The following HTR4 variants were observed in gnomAD, a reference collection of about 807,000 sequenced individuals.
HTR4 encodes the protein 5-hydroxytryptamine (serotonin) receptor 4, G protein-coupled.
HTR4 carries 16 observed loss-of-function variants against 36.8 expected under a neutral mutation model. The ratio of observed to expected loss-of-function variants is 0.43; its 90% CI spans 0.29 to 0.66. The LOEUF (loss-of-function observed/expected upper bound fraction) is 0.66, where lower values mean the gene tolerates loss of function less well. Ranked by LOEUF, HTR4 falls within the 30% of genes least tolerant of loss-of-function variation. The pLI is 0.13. For missense variants in HTR4, 438 were observed against 490.9 expected, an observed-to-expected ratio of 0.89 and a Z score of 1.02; for synonymous variants, 189 against 185.1, an observed-to-expected ratio of 1.02 and a Z score of -0.17.
chr5:148,516,742 A>G (rs1452690119), intron 5 of HTR4, among the ~76,000 whole-genome samples: 6 of 150,968 alleles, frequency 4.0e-5, no homozygotes, highest in African/African-American at 1.5e-4. Flanking sequence ...CTTGCTTCCT[A>G]CAGGGTCTGG....
chr5:148,520,420 A>T (rs1014944591), intron 5 of HTR4, among the ~76,000 whole-genome samples: 5 of 152,172 alleles, frequency 3.3e-5, no homozygotes, highest in Non-Finnish European at 7.4e-5. Context: ...AGAAGTGCTG[A>T]TCCCTCATCA....
chr5:148,652,570 A>G (rs1754072735), intron 1 of HTR4, among the ~76,000 whole-genome samples: 1 of 152,154 alleles, frequency 6.6e-6, no homozygotes, highest in Non-Finnish European at 1.5e-5. Context: ...AGGGAACAGC[A>G]TCAGAACTGA....
chr5:148,528,544 A>G (rs1454318399), intron 4 of HTR4, among the ~76,000 whole-genome samples: 1 of 71,446 alleles, frequency 1.4e-5, no homozygotes, highest in Non-Finnish European at 3.8e-5. Context: ...TAAGTAGGTG[A>G]AAAAAAAATC....
chr5:148,475,696 A>T (rs543178797), downstream of HTR4, among the ~76,000 whole-genome samples: 2 of 152,338 alleles, frequency 1.3e-5, no homozygotes, highest in Non-Finnish European at 2.9e-5. Context: ...GTTTCTCAAC[A>T]ACCCTTTCCA....
At chr5:148,558,332 C>CCTT (rs992484040) in intron 2 of HTR4, among the ~76,000 whole-genome samples, 5 of 152,020 alleles carry the variant, frequency 3.3e-5, no homozygotes, top group African/African-American at 1.2e-4. Flanking sequence ...ACCAAGAGGG[C>CCTT]CTTAACGTTC....
intron 4 of HTR4, among the ~76,000 whole-genome samples, chr5:148,530,397 T>G (rs1229436368): frequency 6.6e-6 from 1 of 152,156 alleles, no homozygotes; most frequent in African/African-American, 2.4e-5. Flanking sequence ...TCCCAGCTAC[T>G]CCAGGCATGG....
At chr5:148,561,798 C>T (rs1479586769) in intron 2 of HTR4, among the ~76,000 whole-genome samples, 2 of 152,080 alleles carry the variant, frequency 1.3e-5, no homozygotes, top group African/African-American at 4.8e-5. Flanking sequence ...ACCACATATG[C>T]CCTCTCCACT....
At chr5:148,652,370 A>C (rs529617884) in intron 1 of HTR4, among the ~76,000 whole-genome samples, 1 of 152,304 alleles carries the variant, frequency 6.6e-6, no homozygotes, top group Admixed American at 6.5e-5. Flanking sequence ...GGTGGTGTTC[A>C]ATAACAGGTG....
At chr5:148,630,031 T>C (rs570941184) in intron 2 of HTR4, 1 of 152,240 alleles carries the variant, frequency 6.6e-6, no homozygotes, top group African/African-American at 2.4e-5. Flanking sequence ...CAACAGCAAA[T>C]GGTTCCAGAA....
chr5:148,599,323 C>T (rs936062607), intron 2 of HTR4, among the ~76,000 whole-genome samples: 6 of 151,878 alleles, frequency 4.0e-5, no homozygotes, highest in African/African-American at 1.5e-4. Flanking sequence ...TAAGCCTAGG[C>T]ACAAAATAAA....
At chr5:148,653,231 C>T (rs1251633466) in intron 1 of HTR4, among the ~76,000 whole-genome samples, 2 of 152,188 alleles carry the variant, frequency 1.3e-5, no homozygotes, top group Non-Finnish European at 1.5e-5. Flanking sequence ...CAAACCTATA[C>T]CCTAAGAAAC....
intron 6 of HTR4, among the ~76,000 whole-genome samples, chr5:148,496,241 C>T (rs569451692): frequency 6.6e-6 from 1 of 152,256 alleles, no homozygotes; most frequent in East Asian, 1.9e-4. Flanking sequence ...ATATGCATAA[C>T]AGTCATGTTA....
chr5:148,500,811 C>A (rs1051304658), intron 6 of HTR4, among the ~76,000 whole-genome samples: 8 of 152,062 alleles, frequency 5.3e-5, no homozygotes, highest in African/African-American at 1.9e-4. Flanking sequence ...ACAGCAATTA[C>A]TTTTACACTA....
intron 4 of HTR4, among the ~76,000 whole-genome samples, chr5:148,536,692 T>C (rs1261075202): frequency 6.6e-6 from 1 of 152,072 alleles, no homozygotes; most frequent in African/African-American, 2.4e-5. Flanking sequence ...GACCTAGCTA[T>C]CCTAAATATA....
intron 2 of HTR4, among the ~76,000 whole-genome samples, chr5:148,615,812 G>A (rs1009020410): frequency 6.6e-6 from 1 of 152,170 alleles, no homozygotes; most frequent in African/African-American, 2.4e-5. Flanking sequence ...CAGGTAAAAT[G>A]CTGATTCAGG....
intron 5 of HTR4, among the ~76,000 whole-genome samples, chr5:148,457,990 T>A (rs1264621745): frequency 2.2e-5 from 3 of 138,448 alleles, no homozygotes; most frequent in African/African-American, 5.3e-5. Flanking sequence ...ATGATATATT[T>A]AATATATCTT....
At chr5:148,578,700 G>A (rs6873382) in intron 2 of HTR4, among the ~76,000 whole-genome samples, 86,343 of 151,866 alleles carry the variant, frequency 0.57, 26,001 homozygotes, top group African/African-American at 0.78. Flanking sequence ...TCTGTGCTTC[G>A]GGTGTCTTAT....
chr5:148,626,619 T>C (rs1753118163), intron 2 of HTR4, among the ~76,000 whole-genome samples: 1 of 152,230 alleles, frequency 6.6e-6, no homozygotes, highest in Non-Finnish European at 1.5e-5. Context: ...GTGACAGTTT[T>C]AACCTTTGGA....
Position 148,539,010 on chromosome 5 carries a change from T to C in HTR4, c.353+9658A>G, listed in dbSNP as rs540334283. Reference sequence around the variant, plus strand: ...GGCTACAGTAACCAAAACAGCATGGTACTGGTATGAAAACAGAAACATAGA... The same window carrying C: ...GGCTACAGTAACCAAAACAGCATGGCACTGGTATGAAAACAGAAACATAGA... On this transcript the variant is annotated intron_variant, in intron 4 of 6. Coordinates refer to ENST00000377888, the MANE Select transcript of HTR4 (RefSeq NM_000870.7). Among the ~76,000 whole-genome samples the C allele has an allele frequency of 1.2e-4, 18 of 152,318 alleles. No homozygotes were observed. The South Asian group carries it at 3.1e-3, about 26-fold the overall frequency.
Sources: allele counts gnomAD v4.1 joint callset (sites outside exome capture counted in the v4.1 genomes callset), GRCh38; gene constraint gnomAD v4.1.1; transcripts MANE v1.5; gene names NCBI Gene and HGNC (gene_info 2026-07-23, HGNC 2026-07-21).